The following C2orf72 variants were observed in gnomAD, a reference collection of about 807,000 sequenced individuals.
C2orf72 encodes the protein uncharacterized protein C2orf72.
In C2orf72, 16 loss-of-function variants were observed where a neutral mutation model predicts 14.4. The ratio of observed to expected loss-of-function variants is 1.11; its 90% CI spans 0.75 to 1.69. The LOEUF (loss-of-function observed/expected upper bound fraction) is 1.69, where lower values mean the gene tolerates loss of function less well. Among genes scored for constraint, C2orf72 ranks in the 40% most tolerant of loss-of-function variants. The pLI is 0.00. For synonymous variants in C2orf72, 168 were observed against 176.8 expected (o/e 0.95, Z 0.40); for missense variants, 371 against 358.3 (o/e 1.04, Z -0.29).
Position 231,037,620 on chromosome 2 carries a change from C to A in C2orf72, c.55C>A (p.Pro19Thr). 9.0e-7 allele frequency: 1 copy of A among 1,108,648 alleles called. No homozygotes were observed. Among genetic ancestry groups the A allele is most frequent in the Non-Finnish European group, 1.1e-6 (1 of 905,870 alleles). 68.7% of individuals were successfully genotyped at this position (1,108,648 alleles called of 1,614,324 possible). The stretch of plus-strand genomic sequence containing the variant: ...CCGGCTTGCGCGCCCTGCCGAGCCG[C>A]CCTTCCAGGCGTTGGTGGAAGCGGC... The part of the protein sequence containing the change: ...AARLARPAEP[P>T]FQALVEAAGG... The change falls in exon 1 of 3, where the codon CCC becomes ACC. Residue 19 changes from proline (P) to threonine (T), a missense_variant. By Grantham distance (38) the Pro-to-Thr change is conservative. Coordinates refer to ENST00000373640, the MANE Select transcript of C2orf72 (RefSeq NM_001144994.2).
chr2:231,047,018 A>C lies in C2orf72; in HGVS notation c.885A>C (p.Arg295Ser). The change falls in exon 3 of 3, where the codon AGA becomes AGC. Residue 295 changes from arginine to serine, a missense_variant. Coordinates refer to ENST00000373640, the MANE Select transcript of C2orf72 (RefSeq NM_001144994.2). Reference protein sequence around the residue: ...HTPAEPTGDSR With the variant: ...HTPAEPTGDSS ...CTGCTGAGCCCACCGGAGACTCAAG[A>C]TGAAGGCTGGACCCTTGCGCTGTCC... 6.4e-7 allele frequency: 1 copy of C among 1,551,546 alleles called. No individual in the cohort carries two copies. Among genetic ancestry groups the C allele is most frequent in the Non-Finnish European group, 8.7e-7 (1 of 1,146,956 alleles).
chr2:231,041,235 T>G (rs1574688989), intron 1 of C2orf72, 61 bp from the exon 2 acceptor site: 1 of 1,206,124 alleles, frequency 8.3e-7, no homozygotes, highest in Non-Finnish European at 1.1e-6. Context: ...AAACGAAATC[T>G]CTCAGTCTTG....
At chr2:231,044,962 T>TATATATATATATATATATATATAC (rs985747494) in intron 2 of C2orf72, among the ~76,000 whole-genome samples, 9 of 146,432 alleles carry the variant, frequency 6.1e-5, no homozygotes, top group South Asian at 2.1e-4. Flanking sequence ...TATATATATA[T>TATATATATATATATATATATATAC]ACACACACAC....
intron 2 of C2orf72, among the ~76,000 whole-genome samples, chr2:231,042,259 G>A (rs1465376263): frequency 1.3e-5 from 2 of 152,096 alleles, no homozygotes; most frequent in African/African-American, 2.4e-5. Context: ...GATAGGAAGC[G>A]CACTGATCCC....
intron 2 of C2orf72, among the ~76,000 whole-genome samples, chr2:231,044,666 A>ATTTTTTT (rs934535205): frequency 2.2e-4 from 25 of 115,098 alleles, no homozygotes; most frequent in East Asian, 7.5e-4. Flanking sequence ...TCCTATTTTA[A>ATTTTTTT]TTTTTTTTTT....
chr2:231,046,513 C>T (rs1217172960), intron 2 of C2orf72, among the ~76,000 whole-genome samples: 2 of 152,104 alleles, frequency 1.3e-5, no homozygotes, highest in Non-Finnish European at 2.9e-5. Context: ...CATTATCTCA[C>T]CTAAAAGACA....
chr2:231,046,987 A>T lies in C2orf72; in HGVS notation c.854A>T (p.His285Leu). 1.3e-6 allele frequency: 2 copies of T among 1,551,658 alleles called. No individual in the cohort carries two copies. Among genetic ancestry groups the T allele is most frequent in the Non-Finnish European group, 8.7e-7 (1 of 1,147,000 alleles). ...RGSKACDGVVHTPAEPTGDSR is the reference protein window; with the variant it reads ...RGSKACDGVVLTPAEPTGDSR ...TCAAAAGCCTGTGATGGAGTCGTAC[A>T]CACTCCTGCTGAGCCCACCGGAGAC... The change falls in exon 3 of 3, where the codon CAC becomes CTC. Residue 285 changes from histidine (H) to leucine (L), a missense_variant. Around this residue, in one of 3 missense-constraint regions of C2orf72, gnomAD observed 145 missense variants for 149.4 expected, o/e 0.97. Transcript: ENST00000373640.
chr2:231,044,675 T>TTC (rs895689828), intron 2 of C2orf72, among the ~76,000 whole-genome samples: 7 of 147,596 alleles, frequency 4.7e-5, no homozygotes, highest in African/African-American at 1.7e-4. Context: ...AATTTTTTTT[T>TTC]TTTTTTTTTT....
chr2:231,048,819 C>T lies in C2orf72; in HGVS notation c.*1798C>T, dbSNP rs1253242709. The T allele has an allele frequency of 6.6e-6, 1 of 152,200 alleles. No individual in the cohort carries two copies. The allele number at this position is 152,200 out of a possible 1,614,324, so 9.4% of individuals were successfully genotyped here. On this transcript the variant is annotated 3_prime_UTR_variant, in exon 3 of 3. Transcript: ENST00000373640. ...AATGAGTTCAATGAATTGTGATTCA[C>T]TGATTTTATTGATTTTGTTTTAAAA... is the stretch of plus-strand genomic sequence containing the variant.
At chr2:231,041,867 C>T (rs772163208) in intron 2 of C2orf72, among the ~76,000 whole-genome samples, 2 of 152,054 alleles carry the variant, frequency 1.3e-5, no homozygotes, top group Non-Finnish European at 2.9e-5. Flanking sequence ...AAGGGACCAC[C>T]TTCGAGAGGC....
intron 2 of C2orf72, 117 bp from the exon 3 acceptor site, chr2:231,046,765 T>G: frequency 9.7e-7 from 1 of 1,029,336 alleles, no homozygotes; most frequent in Non-Finnish European, 1.4e-6. Context: ...TTGATATGTA[T>G]TTTGTTTTGT....
In C2orf72 at chr2:231,037,806, G is replaced by T. The variant is rs1459398112; in HGVS notation, c.241G>T (p.Gly81Trp). Residue 81 changes from glycine (G) to tryptophan (W), a missense_variant, in exon 1 of 3, where the codon GGG becomes TGG. By Grantham distance (184) the Gly-to-Trp change is radical (BLOSUM62 -2). Around this residue, in one of 3 missense-constraint regions of C2orf72, gnomAD observed 214 missense variants for 178.7 expected, o/e 1.20. Transcript: ENST00000373640. ...GGGCGCGGGGCCCGGGGCGGCGCGC[G>T]GGGCGCAGAGGGCGGCGAGGGCGGC... The part of the protein sequence containing the change: ...AEGAGPGAAR[G>W]AQRAARAAGA... 11 of 980,126 alleles carry T rather than the reference G, an allele frequency of 1.1e-5. No homozygotes were observed. In the Admixed American group the frequency reaches 3.8e-4, roughly 34 times the overall value. The allele number at this position is 980,126 out of a possible 1,614,324, so 60.7% of individuals were successfully genotyped here. A position where few individuals can be genotyped will look rare whatever the true frequency, so the allele number is the denominator to read the frequency against.
rs115544410 is a variant in C2orf72 at position 231,039,018 on chromosome 2, T to C, written c.634+819T>C. Among the ~76,000 whole-genome samples the C allele has an allele frequency of 2.1e-3, 326 of 152,248 alleles. 1 individual carries two copies. Among genetic ancestry groups the C allele is most frequent in the African/African-American group, 7.4e-3 (307 of 41,532 alleles). ...ACAAGGCTTTACAGGAACTCTCCAATGTTCTAGGATGAAAATATGCACATT... is the reference window on the plus strand; with the variant it reads ...ACAAGGCTTTACAGGAACTCTCCAACGTTCTAGGATGAAAATATGCACATT... On this transcript the variant is annotated intron_variant, in intron 1 of 2. Transcript: ENST00000373640.
rs1284894047 is a variant in C2orf72, at chr2:231,048,103, T to C, written c.*1082T>C. The C allele has an allele frequency of 6.6e-6, 1 of 152,276 alleles. No individual in the cohort carries two copies. Among genetic ancestry groups the C allele is most frequent in the Non-Finnish European group, 1.5e-5 (1 of 68,074 alleles). The allele number at this position is 152,276 out of a possible 1,614,324, so 9.4% of individuals were successfully genotyped here. On this transcript the variant is annotated 3_prime_UTR_variant, in exon 3 of 3. Coordinates refer to ENST00000373640, the MANE Select transcript of C2orf72 (RefSeq NM_001144994.2). ...TCTGTGAGGTTCTGGAATCCCTTCC[T>C]CTGTGTCCGTGAGTCTGACAGAATC...
chr2:231,044,774 C>T (rs1261879326), intron 2 of C2orf72, among the ~76,000 whole-genome samples: 1 of 148,654 alleles, frequency 6.7e-6, no homozygotes, highest in African/African-American at 2.5e-5. Flanking sequence ...TCTGCTTCCA[C>T]ATCTTGTCCC....
rs919586867 is a variant in C2orf72 at position 231,047,265 on chromosome 2, C to T, written c.*244C>T. ...TCTGATCACAGGGAGGTTATTTTGT[C>T]TCTCTGTCTCGGTTTCTCTGAGCCA... On this transcript the variant is annotated 3_prime_UTR_variant, in exon 3 of 3. Transcript: ENST00000373640. 5 of 593,532 alleles carry T rather than the reference C, an allele frequency of 8.4e-6. No individual in the cohort carries two copies. Among genetic ancestry groups the T allele is most frequent in the African/African-American group, 5.5e-5 (3 of 54,676 alleles). 36.8% of individuals were successfully genotyped at this position (593,532 alleles called of 1,614,324 possible).
rs1693268330 is a variant in C2orf72 at position 231,037,575 on chromosome 2, G to A, written c.10G>A (p.Glu4Lys). The A allele has an allele frequency of 4.8e-6, 5 of 1,043,920 alleles. No individual in the cohort carries two copies. The highest frequency in any genetic ancestry group is 1.2e-4 in the Admixed American group (2 of 17,286). The allele number at this position is 1,043,920 out of a possible 1,614,324, so 64.7% of individuals were successfully genotyped here. Residue 4 changes from glutamate to lysine, a missense_variant, in exon 1 of 3, where the codon GAG (glutamate) becomes AAG (lysine). By Grantham distance (56) the Glu-to-Lys change is moderately conservative. This residue lies in a region of C2orf72 where 214 missense variants were observed against 178.7 expected (regional missense o/e 1.20). Transcript: ENST00000373640. ...GCGGGCGGCGGCCAGCATGGAGCGC[G>A]AGCTGGAGGCGCTGGCGGCCCGGCT... MER[E>K]LEALAARLAR...
chr2:231,040,114 C>T (rs1693319809), intron 1 of C2orf72, among the ~76,000 whole-genome samples: 1 of 152,154 alleles, frequency 6.6e-6, no homozygotes, highest in South Asian at 2.1e-4. Flanking sequence ...CTCCTCCTCA[C>T]CTGGCCAATC....
rs1693275978 is a variant in C2orf72 at position 231,037,836 on chromosome 2, G to T, written c.271G>T (p.Ala91Ser). The change falls in exon 1 of 3, where the codon GCG becomes TCG. Residue 91 changes from alanine (A) to serine (S), a missense_variant. Coordinates refer to ENST00000373640, the MANE Select transcript of C2orf72 (RefSeq NM_001144994.2). ...GCAGAGGGCGGCGAGGGCGGCTGGG[G>T]CGGCGGGGGCGGCGGCGGCGGCGGC... The part of the protein sequence containing the change: ...GAQRAARAAG[A>S]AGAAAAAARA... 1 of 979,270 alleles carries T rather than the reference G, an allele frequency of 1.0e-6. No homozygotes were observed. Among genetic ancestry groups the T allele is most frequent in the African/African-American group, 1.8e-5 (1 of 56,332 alleles). The allele number at this position is 979,270 out of a possible 1,614,324, so 60.7% of individuals were successfully genotyped here.
Sources: allele counts gnomAD v4.1 joint callset (sites outside exome capture counted in the v4.1 genomes callset), GRCh38; gene constraint gnomAD v4.1.1; regional missense constraint gnomAD v4.1.1; transcripts MANE v1.5; gene names NCBI Gene and HGNC (gene_info 2026-07-23, HGNC 2026-07-21).